PPFIBP2: variants seen among roughly 807,000 people sequenced by gnomAD.
PPFIBP2 encodes the protein PPFIB scaffold protein 2.
PPFIBP2 carries 118 observed loss-of-function variants against 118.3 expected under a neutral mutation model. That is an observed-to-expected ratio of 1.00 (90% CI 0.86 to 1.16). PPFIBP2 has a LOEUF of 1.16. PPFIBP2 is among the 50% of genes most tolerant of loss of function. PPFIBP2 has a pLI of 0.00. For missense variants in PPFIBP2, 1,195 were observed against 1,073.1 expected (o/e 1.11, Z -1.59); for synonymous variants, 414 against 397.4 (o/e 1.04, Z -0.50).
chr11:7,659,503 C>A (rs529511854), downstream of PPFIBP2, among the ~76,000 whole-genome samples: 1 of 150,300 alleles, frequency 6.7e-6, no homozygotes, highest in East Asian at 1.9e-4. Context: ...TTCCATTGAT[C>A]TATATCTCTG....
At chr11:7,566,378 A>G (rs1854987384) in intron 3 of PPFIBP2, among the ~76,000 whole-genome samples, 1 of 152,160 alleles carries the variant, frequency 6.6e-6, no homozygotes, top group Non-Finnish European at 1.5e-5. Context: ...TTTTTGAGAC[A>G]GGGTCTTGCT....
chr11:7,528,166 C>T (rs1036175191), intron 1 of PPFIBP2, among the ~76,000 whole-genome samples: 3 of 152,078 alleles, frequency 2.0e-5, no homozygotes, highest in Admixed American at 6.5e-5. Context: ...CTGTTCTTAC[C>T]GTATTTAGGC....
At chr11:7,609,823 T>C (rs1436666293) in intron 5 of PPFIBP2, among the ~76,000 whole-genome samples, 1 of 152,226 alleles carries the variant, frequency 6.6e-6, no homozygotes, top group African/African-American at 2.4e-5. Flanking sequence ...TCTAGGTTCA[T>C]TGCAGTGAAG....
intron 2 of PPFIBP2, among the ~76,000 whole-genome samples, chr11:7,561,642 AT>A (rs1386796748): frequency 6.6e-6 from 1 of 152,190 alleles, no homozygotes; most frequent in African/African-American, 2.4e-5. Context: ...CTAGCCACAT[AT>A]TTTAGCAGTG....
chr11:7,658,340 C>A, downstream of PPFIBP2, among the ~76,000 whole-genome samples: 1 of 116,150 alleles, frequency 8.6e-6, no homozygotes, highest in African/African-American at 3.6e-5. Flanking sequence ...TATTCCCCTT[C>A]CTGTGTCCAT....
chr11:7,625,976 T>C (rs1849953611), intron 8 of PPFIBP2, 85 bp downstream of exon 8: 1 of 1,110,246 alleles, frequency 9.0e-7, no homozygotes, highest in African/African-American at 1.6e-5. Context: ...TATAAATGAG[T>C]GTGCATATGT....
intron 7 of PPFIBP2, among the ~76,000 whole-genome samples, chr11:7,621,675 G>A (rs1054519811): frequency 6.6e-6 from 1 of 152,154 alleles, no homozygotes; most frequent in Non-Finnish European, 1.5e-5. Context: ...CTGCACATTG[G>A]ATTTTAAAAC....
At chr11:7,659,589 C>A (rs1344487593), downstream of PPFIBP2, among the ~76,000 whole-genome samples, 118 of 146,130 alleles carry the variant, frequency 8.1e-4, no homozygotes, top group African/African-American at 2.9e-3. Flanking sequence ...TGTGATGCCT[C>A]CAGCTTTGTT....
chr11:7,599,603 C>A (rs1239305258), intron 5 of PPFIBP2, among the ~76,000 whole-genome samples: 1 of 149,824 alleles, frequency 6.7e-6, no homozygotes, highest in Non-Finnish European at 1.5e-5. Flanking sequence ...GCATTTTAGA[C>A]TTTTTTAAAG....
intron 3 of PPFIBP2, among the ~76,000 whole-genome samples, chr11:7,576,026 C>A (rs1244327073): frequency 6.6e-6 from 1 of 152,258 alleles, no homozygotes; most frequent in Admixed American, 6.5e-5. Flanking sequence ...GCTGGCCCAG[C>A]CTGCCGGGGA....
At position 7,649,514 on chromosome 11, in the gene PPFIBP2, C is replaced by T; in HGVS notation, c.1999-18C>T. ...ACTTTGGAAACTCTGGTTTATAAACCAAACTTTCCTCTTTCAGAACGATTT... is the reference window on the plus strand; with the variant it reads ...ACTTTGGAAACTCTGGTTTATAAACTAAACTTTCCTCTTTCAGAACGATTT... On this transcript the variant is annotated intron_variant, in intron 20 of 23. Transcript: ENST00000299492. The T allele has an allele frequency of 6.2e-7, 1 of 1,613,878 alleles. No individual in the cohort carries two copies. The highest frequency in any genetic ancestry group is 8.5e-7 in the Non-Finnish European group (1 of 1,179,894).
chr11:7,550,363 A>G (rs115346862), intron 2 of PPFIBP2, among the ~76,000 whole-genome samples: 3,526 of 152,224 alleles, frequency 0.023, 122 homozygotes, highest in African/African-American at 0.081. Context: ...GTGTGGCTAG[A>G]CCCCAGGAAG....
intron 4 of PPFIBP2, among the ~76,000 whole-genome samples, chr11:7,594,254 C>T (rs11041469): frequency 0.33 from 49,973 of 151,638 alleles, 8,535 homozygotes; most frequent in East Asian, 0.44. Flanking sequence ...GTTAACACTT[C>T]GGCCTTTTTT....
chr11:7,653,530 C>T lies in PPFIBP2; in HGVS notation c.*312C>T, dbSNP rs557186613. ...CAGTGGAAACACATGAACTTCGATG[C>T]AGGTCCAGAGACCATGGACACTCCC... is the stretch of plus-strand genomic sequence containing the variant. On this transcript the variant is annotated 3_prime_UTR_variant, in exon 24 of 24. Transcript: ENST00000299492. The T allele has an allele frequency of 3.7e-4, 492 of 1,339,418 alleles. 2 individuals are homozygous for T. In the African/African-American group the frequency reaches 6.5e-3, roughly 18 times the overall value. 83.0% of individuals were successfully genotyped at this position (1,339,418 alleles called of 1,614,324 possible).
intron 3 of PPFIBP2, among the ~76,000 whole-genome samples, chr11:7,589,644 A>G (rs2135184115): frequency 6.6e-6 from 1 of 151,972 alleles, no homozygotes. Context: ...ATTAGCACGT[A>G]GCATCCTTCA....
the PPFIBP2 span, among the ~76,000 whole-genome samples, chr11:7,663,904 C>T: frequency 3.0e-3 from 454 of 152,238 alleles, 3 homozygotes; most frequent in African/African-American, 0.01. Flanking sequence ...GGGAGTGACC[C>T]GATTTTCCAG....
intron 3 of PPFIBP2, among the ~76,000 whole-genome samples, chr11:7,578,570 C>G (rs965592565): frequency 1.3e-5 from 2 of 152,120 alleles, no homozygotes; most frequent in African/African-American, 4.8e-5. Flanking sequence ...TAGTAGTGAG[C>G]AAAATAGAAC....
intron 3 of PPFIBP2, among the ~76,000 whole-genome samples, chr11:7,581,740 C>T (rs188611028): frequency 1.6e-3 from 250 of 152,262 alleles, no homozygotes; most frequent in African/African-American, 5.8e-3. Flanking sequence ...GCTCATATCT[C>T]ACCTCTGTGT....
the PPFIBP2 span, among the ~76,000 whole-genome samples, chr11:7,663,502 C>G: frequency 4.1e-4 from 62 of 152,270 alleles, no homozygotes; most frequent in African/African-American, 1.3e-3. Context: ...GCAGTCTGCC[C>G]GTTCTCAGAT....
Sources: gnomAD v4.1 joint callset for allele counts (sites outside exome capture counted in the v4.1 genomes callset) on GRCh38, gnomAD v4.1.1 for gene constraint, MANE v1.5 for transcripts, NCBI Gene and HGNC (gene_info 2026-07-23, HGNC 2026-07-21) for gene names.